The following CACNA2D1 variants were observed in gnomAD, a reference collection of about 807,000 sequenced individuals.
The protein encoded by CACNA2D1 is calcium voltage-gated channel auxiliary subunit alpha2delta 1.
CACNA2D1 carries 53 observed loss-of-function variants against 171.5 expected under a neutral mutation model. The ratio of observed to expected loss-of-function variants is 0.31; its 90% confidence interval spans 0.25 to 0.39. CACNA2D1 has a LOEUF of 0.39. Among genes scored for constraint, CACNA2D1 ranks in the 10% least tolerant of loss-of-function variants. The probability of loss-of-function intolerance (pLI) is 1.00; values close to 1 mark genes in which losing one functional copy is unlikely to be tolerated. For synonymous variants in CACNA2D1, 442 were observed against 443.1 expected (o/e 1.00, Z 0.03); for missense variants, 903 against 1,299.8 (o/e 0.69, Z 4.69).
At chr7:82,432,259 C>T (rs1454669342) in intron 1 of CACNA2D1, among the ~76,000 whole-genome samples, 1 of 152,102 alleles carries the variant, frequency 6.6e-6, no homozygotes, top group East Asian at 1.9e-4. Flanking sequence ...ATAAATAGCC[C>T]ACCCTAACTC....
chr7:82,030,502 T>G (rs1038547115), intron 12 of CACNA2D1, among the ~76,000 whole-genome samples: 2 of 151,582 alleles, frequency 1.3e-5, no homozygotes, highest in African/African-American at 4.8e-5. Context: ...TGAAAAAACC[T>G]TTATACTCTT....
chr7:82,179,199 G>C (rs1341805880), intron 3 of CACNA2D1, among the ~76,000 whole-genome samples: 1 of 151,892 alleles, frequency 6.6e-6, no homozygotes, highest in Non-Finnish European at 1.5e-5. Flanking sequence ...TTCCACTCTG[G>C]GGTCTTAGAA....
rs558390809 is a variant in CACNA2D1, at chr7:82,069,601, T to C, written c.659-3077A>G. ...GTTGATTTAAGCAGGTATTTACTTG[T>C]GCATTAACTCAGAATACTGATATAC... On this transcript the variant is annotated intron_variant, in intron 7 of 38. Transcript: ENST00000356860. 3.3e-5 allele frequency among the ~76,000 whole-genome samples: 5 copies of C among 152,180 alleles called. No homozygotes were observed. In the South Asian group the frequency reaches 8.3e-4, roughly 25 times the overall value.
chr7:82,375,869 C>G (rs565212304), intron 1 of CACNA2D1, among the ~76,000 whole-genome samples: 1 of 152,200 alleles, frequency 6.6e-6, no homozygotes, highest in African/African-American at 2.4e-5. Flanking sequence ...TGGTGATTGC[C>G]TCGGGCTCTC....
intron 6 of CACNA2D1, among the ~76,000 whole-genome samples, chr7:82,088,101 T>A (rs954840805): frequency 1.3e-5 from 2 of 152,126 alleles, no homozygotes; most frequent in Non-Finnish European, 2.9e-5. Flanking sequence ...TTGTTTTGTT[T>A]TTTTGTTTTT....
intron 32 of CACNA2D1, 83 bp downstream of exon 32, chr7:81,965,511 T>C: frequency 1.2e-6 from 1 of 804,710 alleles, no homozygotes; most frequent in Non-Finnish European, 2.3e-6. Flanking sequence ...CATCGATTTC[T>C]AAAACACTGA....
chr7:81,984,277 C>T (rs888280206), intron 22 of CACNA2D1, among the ~76,000 whole-genome samples: 2 of 152,100 alleles, frequency 1.3e-5, no homozygotes, highest in African/African-American at 2.4e-5. Context: ...TAGCACAGTG[C>T]CATGAGAGTA....
intron 2 of CACNA2D1, among the ~76,000 whole-genome samples, chr7:82,339,099 G>A (rs930569082): frequency 6.6e-6 from 1 of 152,130 alleles, no homozygotes; most frequent in South Asian, 2.1e-4. Context: ...CTGCGCCCAG[G>A]CATGGAGAAA....
At chr7:82,028,430 A>C (rs1478202639) in intron 12 of CACNA2D1, 1 of 151,864 alleles carries the variant, frequency 6.6e-6, no homozygotes, top group Non-Finnish European at 1.5e-5. Flanking sequence ...GCCTGCTAAC[A>C]CAACTTGCAT....
At chr7:81,959,560 TG>T (rs1584176841) in intron 37 of CACNA2D1, among the ~76,000 whole-genome samples, 159 bp downstream of exon 37, 2 of 152,100 alleles carry the variant, frequency 1.3e-5, no homozygotes, top group African/African-American at 4.8e-5. Flanking sequence ...TAATTATTCT[TG>T]ACATTCCAAC....
chr7:82,295,440 G>A (rs1338291026), intron 3 of CACNA2D1, among the ~76,000 whole-genome samples: 4 of 151,594 alleles, frequency 2.6e-5, no homozygotes, highest in African/African-American at 2.4e-5. Context: ...AGGCTCCAGC[G>A]ATCCTCCTGC....
At chr7:82,109,009 T>C (rs1788076418) in intron 6 of CACNA2D1, among the ~76,000 whole-genome samples, 1 of 152,140 alleles carries the variant, frequency 6.6e-6, no homozygotes, top group Non-Finnish European at 1.5e-5. Context: ...AAGTGCCCTT[T>C]CTTAGCACTT....
chr7:82,202,217 C>T (rs563140867), intron 3 of CACNA2D1, among the ~76,000 whole-genome samples: 3 of 152,302 alleles, frequency 2.0e-5, no homozygotes, highest in East Asian at 1.9e-4. Flanking sequence ...CACCCAGGCG[C>T]GTACCCATGA....
chr7:82,145,325 T>A (rs1008274887), intron 4 of CACNA2D1, among the ~76,000 whole-genome samples: 1 of 144,692 alleles, frequency 6.9e-6, no homozygotes, highest in Admixed American at 7.0e-5. Flanking sequence ...AAATTATATA[T>A]AAATTGTATA....
chr7:82,138,194 A>G (rs1332218386), intron 4 of CACNA2D1, among the ~76,000 whole-genome samples: 1 of 150,010 alleles, frequency 6.7e-6, no homozygotes. Flanking sequence ...TTTGAGAAAC[A>G]TACCACGAGA....
chr7:82,075,683 T>C (rs1204204064), intron 7 of CACNA2D1, among the ~76,000 whole-genome samples: 1 of 152,170 alleles, frequency 6.6e-6, no homozygotes, highest in Non-Finnish European at 1.5e-5. Context: ...TAGATGATGG[T>C]GATAGTGATA....
chr7:82,045,986 C>T (rs1362382832), intron 10 of CACNA2D1, among the ~76,000 whole-genome samples: 2 of 152,102 alleles, frequency 1.3e-5, no homozygotes, highest in Non-Finnish European at 2.9e-5. Context: ...TACCACATCC[C>T]GTCATGTGAT....
intron 1 of CACNA2D1, among the ~76,000 whole-genome samples, chr7:82,384,445 G>C (rs11971283): frequency 0.16 from 24,571 of 152,092 alleles, 2,200 homozygotes; most frequent in Middle Eastern, 0.25. Context: ...AAACTTGAAT[G>C]AGTCGGCACC....
intron 4 of CACNA2D1, among the ~76,000 whole-genome samples, chr7:82,137,597 C>T (rs934007381): frequency 2.0e-5 from 3 of 151,468 alleles, no homozygotes; most frequent in Admixed American, 6.6e-5. Context: ...TTTAGGCTGA[C>T]GCGGTGGCTC....
Sources: allele counts gnomAD v4.1 joint callset (sites outside exome capture counted in the v4.1 genomes callset), GRCh38; gene constraint gnomAD v4.1.1; transcripts MANE v1.5; gene names NCBI Gene and HGNC (gene_info 2026-07-23, HGNC 2026-07-21).